DLGAP3: variants seen among roughly 807,000 people sequenced by gnomAD.
DLGAP3 encodes the protein DLG associated protein 3, also known as disks large-associated protein 3.
DLGAP3 carries 17 observed loss-of-function variants against 81.2 expected under a neutral mutation model. The observed-to-expected ratio is 0.21, with a 90% CI of 0.14 to 0.31. The LOEUF is 0.31. Ranked by LOEUF, DLGAP3 falls within the 10% of genes least tolerant of loss-of-function variation. The probability of loss-of-function intolerance (pLI) is 1.00; values close to 1 mark genes in which losing one functional copy is unlikely to be tolerated. For synonymous variants in DLGAP3, 577 were observed against 587.4 expected, an observed-to-expected ratio of 0.98 and a Z score of 0.26; for missense variants, 1,124 against 1,388.0, an observed-to-expected ratio of 0.81 and a Z score of 3.02.
chr1:34,910,106 G>A (rs972736316), intron 1 of DLGAP3, among the ~76,000 whole-genome samples: 1 of 152,122 alleles, frequency 6.6e-6, no homozygotes, highest in Non-Finnish European at 1.5e-5. Flanking sequence ...CCGCTATCTT[G>A]CCACCACAAA....
chr1:34,921,166 A>T (rs1184894459), intron 1 of DLGAP3, among the ~76,000 whole-genome samples: 3 of 152,194 alleles, frequency 2.0e-5, no homozygotes, highest in African/African-American at 7.2e-5. Context: ...GGGGCTTTGC[A>T]CACGTAGCAC....
intron 8 of DLGAP3, among the ~76,000 whole-genome samples, chr1:34,882,292 C>T (rs929009782): frequency 6.6e-6 from 1 of 152,166 alleles, no homozygotes. Context: ...GCCTGGCTAA[C>T]ATGGCAACAC....
Position 34,900,419 on chromosome 1 carries a change from G to A in DLGAP3, c.1108-146C>T, listed in dbSNP as rs1181344118. 2.5e-6 allele frequency: 2 copies of A among 811,672 alleles called. No homozygotes were observed. The highest frequency in any genetic ancestry group is 4.1e-6 in the Non-Finnish European group (2 of 488,244). 50.3% of individuals were successfully genotyped at this position (811,672 alleles called of 1,614,324 possible). A position where few individuals can be genotyped will look rare whatever the true frequency, so the allele number is the denominator to read the frequency against. On this transcript the variant is annotated intron_variant, in intron 3 of 11. Coordinates refer to ENST00000373347, the MANE Select transcript of DLGAP3 (RefSeq NM_001080418.3). This position sits in a 1 kb window ranked among gnomAD's most constrained non-coding sequence, Gnocchi z 5.6. ...ATGCAGAGGCAGAAGGGGAGGTAGG[G>A]TCTCAGGCTGTCCCCGTCCCTTACA...
rs963223488 is a variant in DLGAP3 at position 34,873,805 on chromosome 1, T to C, written c.2001-4716A>G. ...GTGTCTCCTCACTAAATAGGGCAGT[T>C]CATCACACTGGTTGGTTGGTTGGTT... On this transcript the variant is annotated intron_variant, in intron 8 of 11. Coordinates refer to ENST00000373347, the MANE Select transcript of DLGAP3 (RefSeq NM_001080418.3). The surrounding 1 kb of genome is among the most constrained non-coding windows in gnomAD (Gnocchi z 4.2). Among the ~76,000 whole-genome samples, 8 of 151,208 alleles carry C rather than the reference T, an allele frequency of 5.3e-5. No individual in the cohort carries two copies. Among genetic ancestry groups the C allele is most frequent in the Non-Finnish European group, 1.0e-4 (7 of 67,892 alleles).
At chr1:34,901,398 G>A (rs979886528) in intron 3 of DLGAP3, among the ~76,000 whole-genome samples, 6 of 152,150 alleles carry the variant, frequency 3.9e-5, no homozygotes, top group Admixed American at 6.5e-5. Flanking sequence ...AAAAGGAGTC[G>A]ATTATGTCAA....
chr1:34,868,892 G>C lies in DLGAP3; in HGVS notation c.2198C>G (p.Thr733Arg). The change falls in exon 9 of 12, where the codon ACG (threonine) becomes AGG (arginine). Residue 733 changes from threonine to arginine, a missense_variant. Coordinates refer to ENST00000373347, the MANE Select transcript of DLGAP3 (RefSeq NM_001080418.3). The surrounding 1 kb of genome is among the most constrained non-coding windows in gnomAD (Gnocchi z 7.5). ...CTCGCGGTAGGCCCACTGGCCCTGC[G>C]TGTGGACCGTGCGGAAGACTGAGTA... ...PTYSVFRTVHTQGQWAYREGY... is the reference protein window; with the variant it reads ...PTYSVFRTVHRQGQWAYREGY... 1 of 1,603,780 alleles carries C rather than the reference G, an allele frequency of 6.2e-7. No homozygotes were observed. Among genetic ancestry groups the C allele is most frequent in the Non-Finnish European group, 8.5e-7 (1 of 1,178,718 alleles).
At position 34,902,211 on chromosome 1, in the gene DLGAP3, A is replaced by G. The variant is rs1474290971; in HGVS notation, c.1108-1938T>C. Among the ~76,000 whole-genome samples, 1 of 151,814 alleles carries G rather than the reference A, an allele frequency of 6.6e-6. No homozygotes were observed. The stretch of plus-strand genomic sequence containing the variant: ...AAACACTTGTGTAAAGAACAGGTTA[A>G]ATGGGGTAGGGATGGGAGCTCCAAA... On this transcript the variant is annotated intron_variant, in intron 3 of 11. Transcript: ENST00000373347. The surrounding 1 kb of genome is among the most constrained non-coding windows in gnomAD (Gnocchi z 4.4).
In DLGAP3 at chr1:34,895,183, C is replaced by T. The variant is rs536410520; in HGVS notation, c.1386+4486G>A. Among the ~76,000 whole-genome samples, 6 of 152,026 alleles carry T rather than the reference C, an allele frequency of 3.9e-5. No homozygotes were observed. In the East Asian group the frequency reaches 7.7e-4, roughly 20 times the overall value. On this transcript the variant is annotated intron_variant, in intron 5 of 11. Coordinates refer to ENST00000373347, the MANE Select transcript of DLGAP3 (RefSeq NM_001080418.3). The surrounding 1 kb of genome is among the most constrained non-coding windows in gnomAD (Gnocchi z 4.5). Reference sequence around the variant, plus strand: ...GAGATCGAGACGATCCTGGCTAACACGGTGAAACCCCGTCTGTACTAAAAA... The same window carrying T: ...GAGATCGAGACGATCCTGGCTAACATGGTGAAACCCCGTCTGTACTAAAAA...
intron 5 of DLGAP3, among the ~76,000 whole-genome samples, chr1:34,898,957 G>A (rs1639414738): frequency 2.0e-5 from 3 of 152,212 alleles, no homozygotes; most frequent in Admixed American, 2.0e-4. Context: ...GATGAGAAAT[G>A]GAGGTGTTGA....
At chr1:34,885,855 C>CG (rs1639217940) in intron 6 of DLGAP3, 64 bp from the exon 7 acceptor site, 1 of 1,314,774 alleles carries the variant, frequency 7.6e-7, no homozygotes, top group Admixed American at 3.0e-5. Context: ...GTCCTGGGCC[C>CG]GCGCCCGACT....
chr1:34,866,848 G>T (rs1469452712), intron 11 of DLGAP3, among the ~76,000 whole-genome samples, 200 bp downstream of exon 11: 3 of 152,198 alleles, frequency 2.0e-5, no homozygotes, highest in Non-Finnish European at 4.4e-5. Context: ...AAGCAGTGAT[G>T]AGCACTGGGG....
At chr1:34,885,198 G>A in intron 7 of DLGAP3, 135 bp from the exon 8 acceptor site, 1 of 919,228 alleles carries the variant, frequency 1.1e-6, no homozygotes, top group South Asian at 1.4e-5. Context: ...AACAAGATGA[G>A]AGACCCAGGC....
Position 34,912,121 on chromosome 1 carries a change from G to T in DLGAP3, c.-134-4684C>A, listed in dbSNP as rs1639649119. ...GGGCCATAATAAAGGTATGAATGATGTAAGGTTTAACAAGGTAAAGCATAT... is the reference window on the plus strand; with the variant it reads ...GGGCCATAATAAAGGTATGAATGATTTAAGGTTTAACAAGGTAAAGCATAT... On this transcript the variant is annotated intron_variant, in intron 1 of 11. Coordinates refer to ENST00000373347, the MANE Select transcript of DLGAP3 (RefSeq NM_001080418.3). 3.3e-5 allele frequency among the ~76,000 whole-genome samples: 5 copies of T among 152,322 alleles called. 1 individual carries two copies. The South Asian group carries it at 1.0e-3, about 32-fold the overall frequency.
Position 34,900,085 on chromosome 1 carries a change from C to T in DLGAP3, c.1296G>A (p.Val432=), listed in dbSNP as rs755387212. 3 of 1,613,538 alleles carry T rather than the reference C, an allele frequency of 1.9e-6. No individual in the cohort carries two copies. The highest frequency in any genetic ancestry group is 2.5e-6 in the Non-Finnish European group (3 of 1,180,010). The change falls in exon 4 of 12, where the codon GTG becomes GTA. Residue 432 remains valine (V), a synonymous_variant. Transcript: ENST00000373347. The surrounding 1 kb of genome is among the most constrained non-coding windows in gnomAD (Gnocchi z 5.6). ...RRFTTRRSSS[V]DQARINCCVP... is the part of the protein sequence containing the mutation. ...GTCCTTACTTGATCCTGGCCTGGTC[C>T]ACGCTGGAGGAGCGACGGGTGGTGA...
In DLGAP3 at chr1:34,904,948, C is replaced by T. The variant is rs199825518; in HGVS notation, c.436G>A (p.Ala146Thr). 2.1e-4 allele frequency: 339 copies of T among 1,612,734 alleles called. 1 individual carries two copies. The highest frequency in any genetic ancestry group is 6.7e-5 in the African/African-American group (5 of 74,922). ...FHTLPYQRGPAGAGPGPAPGT... is the reference protein window; with the variant it reads ...FHTLPYQRGPTGAGPGPAPGT... ...GGCGCTGGCCCGGGCCCTGCCCCTG[C>T]TGGCCCTCGCTGGTATGGTAGTGTG... Residue 146 changes from alanine to threonine, a missense_variant, in exon 3 of 12, where the codon GCA becomes ACA. By Grantham distance (58) the Ala-to-Thr change is moderately conservative. Around this residue, in one of 9 missense-constraint regions of DLGAP3, gnomAD observed 65 missense variants for 78.2 expected, o/e 0.83. Coordinates refer to ENST00000373347, the MANE Select transcript of DLGAP3 (RefSeq NM_001080418.3). This position sits in a 1 kb window ranked among gnomAD's most constrained non-coding sequence, Gnocchi z 8.1.
At chr1:34,899,522 G>A (rs1557483527) in intron 5 of DLGAP3, 147 bp downstream of exon 5, 4 of 772,244 alleles carry the variant, frequency 5.2e-6, no homozygotes, top group Admixed American at 1.8e-5. Flanking sequence ...GTCAGCTCCA[G>A]GAGTCCTAAG....
intron 5 of DLGAP3, among the ~76,000 whole-genome samples, chr1:34,898,147 A>G (rs1557482200): frequency 6.6e-6 from 1 of 152,220 alleles, no homozygotes; most frequent in Non-Finnish European, 1.5e-5. Context: ...CTGGAGATAT[A>G]CATTTGGTAG....
intron 5 of DLGAP3, among the ~76,000 whole-genome samples, chr1:34,891,822 A>C (rs1019365870): frequency 1.3e-5 from 2 of 152,234 alleles, no homozygotes; most frequent in African/African-American, 2.4e-5. Context: ...ATAAGAAGGA[A>C]ATAAAACTGA....
At position 34,902,370 on chromosome 1, in the gene DLGAP3, G is replaced by A. The variant is rs1639474214; in HGVS notation, c.1107+1907C>T. 6.6e-6 allele frequency among the ~76,000 whole-genome samples: 1 copy of A among 152,232 alleles called. No individual in the cohort carries two copies. The highest frequency in any genetic ancestry group is 1.5e-5 in the Non-Finnish European group (1 of 67,994). On this transcript the variant is annotated intron_variant, in intron 3 of 11. Coordinates refer to ENST00000373347, the MANE Select transcript of DLGAP3 (RefSeq NM_001080418.3). The surrounding 1 kb of genome is among the most constrained non-coding windows in gnomAD (Gnocchi z 4.4). Reference sequence around the variant, plus strand: ...GGGCTAGGGCTCATTTGGATGATGGGAAACAAAGAGATGAGGCTCCATAAA... The same window carrying A: ...GGGCTAGGGCTCATTTGGATGATGGAAAACAAAGAGATGAGGCTCCATAAA...
Sources: allele counts gnomAD v4.1 joint callset (sites outside exome capture counted in the v4.1 genomes callset), GRCh38; gene constraint gnomAD v4.1.1; regional missense constraint gnomAD v4.1.1; non-coding constraint Gnocchi (gnomAD v3.1); transcripts MANE v1.5; gene names NCBI Gene and HGNC (gene_info 2026-07-23, HGNC 2026-07-21).